Variants in CFAP99 observed in about 807,000 individuals in gnomAD.
The protein encoded by CFAP99 is cilia and flagella associated protein 99, also known as cilia- and flagella-associated protein 99.
CFAP99 carries 84 observed loss-of-function variants against 82.7 expected under a neutral mutation model. The observed-to-expected ratio is 1.02, with a 90% CI of 0.85 to 1.22. CFAP99 has a LOEUF of 1.22. Ranked by LOEUF, CFAP99 falls within the 50% of genes most tolerant of loss-of-function variation. The pLI, the probability that CFAP99 is intolerant of heterozygous loss-of-function variation, is 0.00. For missense variants in CFAP99, 1,059 were observed against 983.5 expected (o/e 1.08, Z -1.03); for synonymous variants, 456 against 429.5 (o/e 1.06, Z -0.76).
At chr4:2,438,514 G>A (rs1053409804) in intron 4 of CFAP99, among the ~76,000 whole-genome samples, 4 of 151,956 alleles carry the variant, frequency 2.6e-5, no homozygotes, top group Non-Finnish European at 5.9e-5. Context: ...CGCCCGCCTC[G>A]GCCTCCCAAA....
At chr4:2,445,176 G>A in exon 6 of CFAP99, 1 of 1,419,016 alleles carries the variant, frequency 7.0e-7, no homozygotes, top group South Asian at 1.6e-5. Flanking sequence ...TGGAGGGCGT[G>A]TCTGCCAGTC....
rs146154713 is a variant in CFAP99 at position 2,446,368 on chromosome 4, G to GTTA, written c.642+1099_642+1101dup. ...CTTTTTATTTCATTTTATTATTGTT[G>GTTA]TTATTATTATTATTATTATTATTAT... On this transcript the variant is annotated intron_variant, in intron 6 of 14. Coordinates refer to ENST00000635017, the Ensembl canonical transcript of CFAP99. This position sits in a 1 kb window ranked among gnomAD's most constrained non-coding sequence, Gnocchi z 5.0. Among the ~76,000 whole-genome samples the GTTA allele has an allele frequency of 0.024, 3,545 of 148,392 alleles. 68 individuals carry two copies. Among genetic ancestry groups the GTTA allele is most frequent in the African/African-American group, 0.048 (1,925 of 40,036 alleles).
At chr4:2,431,324 G>A (rs1560378669) in intron 2 of CFAP99, among the ~76,000 whole-genome samples, 1 of 151,332 alleles carries the variant, frequency 6.6e-6, no homozygotes, top group Non-Finnish European at 1.5e-5. Flanking sequence ...AGTCGAGATC[G>A]CACCACGGCA....
chr4:2,422,297 G>A (rs114975699), intron 1 of CFAP99, among the ~76,000 whole-genome samples: 6 of 152,282 alleles, frequency 3.9e-5, no homozygotes, highest in African/African-American at 9.6e-5. Context: ...CCTTCAGGCC[G>A]GACAGTGAAC....
At chr4:2,437,379 T>C (rs1733940345) in intron 3 of CFAP99, among the ~76,000 whole-genome samples, 1 of 151,986 alleles carries the variant, frequency 6.6e-6, no homozygotes, top group African/African-American at 2.4e-5. Context: ...GACAGTCCTG[T>C]GGGGGATTAG....
At chr4:2,427,295 A>C (rs1203781) in intron 2 of CFAP99, 35,848 of 152,950 alleles carry the variant, frequency 0.23, 4,953 homozygotes, top group African/African-American at 0.37. Flanking sequence ...AGCTCCCACC[A>C]CGAGGTGCTG....
chr4:2,421,973 C>G (rs1175031063), intron 1 of CFAP99, among the ~76,000 whole-genome samples: 3 of 152,034 alleles, frequency 2.0e-5, no homozygotes, highest in Non-Finnish European at 4.4e-5. Flanking sequence ...AGGAGGATCA[C>G]TTGAGCTGCA....
chr4:2,450,638 G>C (rs1425465360), intron 8 of CFAP99, among the ~76,000 whole-genome samples: 1 of 152,182 alleles, frequency 6.6e-6, no homozygotes, highest in Admixed American at 6.5e-5. Context: ...CCCCAGCTCT[G>C]GGGGTGGCTG....
intron 14 of CFAP99, among the ~76,000 whole-genome samples, chr4:2,460,459 G>C (rs1452983910): frequency 6.6e-6 from 1 of 152,202 alleles, no homozygotes; most frequent in Non-Finnish European, 1.5e-5. Context: ...CAGAAGCCAT[G>C]ACCCAGATGC....
At chr4:2,458,140 G>A (rs1024869269) in intron 11 of CFAP99, among the ~76,000 whole-genome samples, 4 of 152,222 alleles carry the variant, frequency 2.6e-5, no homozygotes, top group African/African-American at 7.2e-5. Flanking sequence ...GTGGCTGCGC[G>A]GGGAGGGCCG....
intron 1 of CFAP99, among the ~76,000 whole-genome samples, chr4:2,421,889 A>T (rs1733592746): frequency 6.6e-6 from 1 of 151,914 alleles, no homozygotes; most frequent in Admixed American, 6.6e-5. Context: ...CAAAAAAAAA[A>T]AAAAAATTAA....
chr4:2,458,488 T>A (rs1016031151), intron 11 of CFAP99, among the ~76,000 whole-genome samples: 2 of 151,800 alleles, frequency 1.3e-5, no homozygotes, highest in South Asian at 2.1e-4. Flanking sequence ...TGCAGGAAGG[T>A]TCCCCCCAAG....
intron 8 of CFAP99, among the ~76,000 whole-genome samples, chr4:2,450,554 A>G (rs1467731280): frequency 6.6e-6 from 1 of 151,976 alleles, no homozygotes; most frequent in Non-Finnish European, 1.5e-5. Flanking sequence ...CCACCCTGGG[A>G]TGTGTTGGCA....
chr4:2,421,379 G>T (rs1464763232), intron 1 of CFAP99, among the ~76,000 whole-genome samples: 3 of 105,314 alleles, frequency 2.8e-5, no homozygotes, highest in African/African-American at 1.1e-4. Flanking sequence ...TTTTGAGATG[G>T]CGTCTCGCTC....
In CFAP99 at chr4:2,435,299, A is replaced by G. The variant is rs775213010; in HGVS notation, c.112-1575A>G. 8.2e-3 allele frequency among the ~76,000 whole-genome samples: 1,032 copies of G among 126,526 alleles called. 9 individuals carry two copies. Among genetic ancestry groups the G allele is most frequent in the African/African-American group, 0.04 (968 of 23,996 alleles). The allele number at this position is 126,526 out of a possible 152,430, so 83.0% of individuals were successfully genotyped here. A position where few individuals can be genotyped will look rare whatever the true frequency, so the allele number is the denominator to read the frequency against. On this transcript the variant is annotated intron_variant, in intron 2 of 14. Transcript: ENST00000635017. ...GCGACAGAGCAAGACTCCATCTCAG[A>G]AAAAAAAAAAAAAAAAGCAACTGAA... is the stretch of plus-strand genomic sequence containing the variant.
Position 2,459,233 on chromosome 4 carries a change from A to AG in CFAP99, c.1433dup (p.Lys479GlnfsTer?). On this transcript the variant is annotated frameshift_variant, in exon 13 of 15. Transcript: ENST00000635017. LOFTEE classifies it high-confidence loss of function. ...GCACTCGAGACACAGCCCACGCGCA[A>AG]GGGCAAGCTCGTGGACCTGACCCAG... 6.5e-7 allele frequency: 1 copy of AG among 1,535,260 alleles called. No individual in the cohort carries two copies. Among genetic ancestry groups the AG allele is most frequent in the Non-Finnish European group, 8.7e-7 (1 of 1,146,508 alleles).
At chr4:2,455,543 G>A (rs1266181894) in intron 11 of CFAP99, among the ~76,000 whole-genome samples, 1 of 152,202 alleles carries the variant, frequency 6.6e-6, no homozygotes, top group Non-Finnish European at 1.5e-5. Flanking sequence ...ACAAAAATTA[G>A]CTGGGTGTGG....
chr4:2,444,535 G>A (rs1734119939), intron 5 of CFAP99, among the ~76,000 whole-genome samples: 1 of 152,154 alleles, frequency 6.6e-6, no homozygotes, highest in African/African-American at 2.4e-5. Context: ...GATGATGGTG[G>A]GCTGTGCCCA....
chr4:2,440,146 A>ATTTTTTTTTTTTTTTTTT (rs1560382287), intron 4 of CFAP99, among the ~76,000 whole-genome samples: 1 of 95,872 alleles, frequency 1.0e-5, no homozygotes, highest in African/African-American at 5.0e-5. Context: ...CCAGCTTGAC[A>ATTTTTTTTTTTTTTTTTT]TTCTTTTTTT....
Sources: allele counts gnomAD v4.1 joint callset (sites outside exome capture counted in the v4.1 genomes callset), GRCh38; gene constraint gnomAD v4.1.1; non-coding constraint Gnocchi (gnomAD v3.1); transcripts MANE v1.5; gene names NCBI Gene and HGNC (gene_info 2026-07-23, HGNC 2026-07-21).